The following MACF1 variants were observed in gnomAD, a reference collection of about 807,000 sequenced individuals.
MACF1 encodes microtubule-actin cross-linking factor 1.
Under a neutral mutation model 854.8 loss-of-function variants are expected in MACF1, and 193 were observed. That is an observed-to-expected ratio of 0.23 (90% CI 0.20 to 0.25). The LOEUF (loss-of-function observed/expected upper bound fraction) is 0.25. Among genes scored for constraint, MACF1 ranks in the 10% least tolerant of loss-of-function variants. The pLI, the probability that MACF1 is intolerant of heterozygous loss-of-function variation, is 1.00. For synonymous variants in MACF1, 3,185 were observed against 3,226.7 expected, an observed-to-expected ratio of 0.99 and a Z score of 0.44; for missense variants, 7,722 against 8,929.1, an observed-to-expected ratio of 0.86 and a Z score of 5.45.
chr1:39,130,247 A>G (rs1424031852), intron 2 of MACF1, among the ~76,000 whole-genome samples: 4 of 152,222 alleles, frequency 2.6e-5, no homozygotes, highest in Admixed American at 6.5e-5. Context: ...ACACCCTAAT[A>G]TATTTCTAAT....
intron 2 of MACF1, among the ~76,000 whole-genome samples, chr1:39,088,214 C>T (rs533711757): frequency 7.9e-5 from 12 of 152,186 alleles, no homozygotes; most frequent in Admixed American, 4.6e-4. Flanking sequence ...CCTCGTGATC[C>T]GCCCGCCTCA....
intron 18 of MACF1, among the ~76,000 whole-genome samples, 181 bp downstream of exon 18, chr1:39,293,800 A>G (rs1257263577): frequency 6.6e-6 from 1 of 152,046 alleles, no homozygotes; most frequent in Non-Finnish European, 1.5e-5. Context: ...GTAGAACCCT[A>G]GAGTTAATTT....
chr1:39,194,052 C>T (rs541338463), intron 2 of MACF1, among the ~76,000 whole-genome samples: 2 of 152,000 alleles, frequency 1.3e-5, no homozygotes, highest in East Asian at 1.9e-4. Context: ...AGGCTGGTCT[C>T]GAACTCCTGA....
chr1:39,220,597 G>A (rs928080269), intron 1 of MACF1, among the ~76,000 whole-genome samples: 2 of 146,570 alleles, frequency 1.4e-5, no homozygotes, highest in African/African-American at 5.1e-5. Flanking sequence ...ATTCTCCTGC[G>A]TCAGCCTCCC....
chr1:39,483,086 CAAAAAAAAAAAAAA>C (rs1198703166), intron 99 of MACF1, among the ~76,000 whole-genome samples: 1 of 22,770 alleles, frequency 4.4e-5, no homozygotes, highest in African/African-American at 1.4e-4. Context: ...GACTCTGTCT[CAAAAAAAAAAAAAA>C]AAAAAAAAAA....
Position 39,331,369 on chromosome 1 carries a change from CTT to C in MACF1, c.4783_4784del (p.Leu1595GlyfsTer10). The stretch of plus-strand genomic sequence containing the variant: ...GCCCCTGAGACGGGTGAAAACCTCT[CTT>C]TGGAGGAGGGCATAGCCAGAAACCT... On this transcript the variant is annotated frameshift_variant, in exon 37 of 101. Coordinates refer to ENST00000564288, the MANE Select transcript of MACF1 (RefSeq NM_001394062.1). LOFTEE classifies it high-confidence loss of function. 1.2e-6 allele frequency: 2 copies of C among 1,613,814 alleles called. No homozygotes were observed. Among genetic ancestry groups the C allele is most frequent in the Non-Finnish European group, 1.7e-6 (2 of 1,179,992 alleles).
chr1:39,164,115 A>G (rs1439439054), intron 2 of MACF1, among the ~76,000 whole-genome samples: 1 of 152,152 alleles, frequency 6.6e-6, no homozygotes, highest in Non-Finnish European at 1.5e-5. Flanking sequence ...CATCAAATGG[A>G]AGGTTCATTT....
intron 58 of MACF1, among the ~76,000 whole-genome samples, chr1:39,418,366 TGA>T (rs1643407214): frequency 6.6e-6 from 1 of 152,122 alleles, no homozygotes; most frequent in South Asian, 2.1e-4. Context: ...AGAGACAAAT[TGA>T]GAGTCATAAG....
At chr1:39,357,921 G>C (rs140351948) in intron 45 of MACF1, 28 bp downstream of exon 45, 1 of 1,578,866 alleles carries the variant, frequency 6.3e-7, no homozygotes, top group East Asian at 2.2e-5. Flanking sequence ...GGCATCCTTG[G>C]TGAAACAATC....
Position 39,367,776 on chromosome 1 carries a change from A to G in MACF1, c.12772-372A>G, listed in dbSNP as rs1297289594. Among the ~76,000 whole-genome samples the G allele has an allele frequency of 2.6e-5, 4 of 152,196 alleles. No homozygotes were observed. In the East Asian group the frequency reaches 7.7e-4, roughly 29 times the overall value. ...CTCCAGTGGATTGAAGTTGTCCTAC[A>G]TATTTATCAGATTTTTTAATTGGGC... On this transcript the variant is annotated intron_variant, in intron 49 of 100. Coordinates refer to ENST00000564288, the MANE Select transcript of MACF1 (RefSeq NM_001394062.1).
intron 58 of MACF1, among the ~76,000 whole-genome samples, chr1:39,408,192 C>T (rs1202546473): frequency 6.6e-6 from 1 of 152,140 alleles, no homozygotes; most frequent in African/African-American, 2.4e-5. Flanking sequence ...ATCCCCACCT[C>T]CCCCAACACC....
intron 58 of MACF1, chr1:39,413,093 AG>A: frequency 6.2e-7 from 1 of 1,605,234 alleles, no homozygotes; most frequent in Non-Finnish European, 8.5e-7. Flanking sequence ...ATCACACAGG[AG>A]GGTATGTCAG....
At chr1:39,367,288 C>G (rs1373860738) in intron 49 of MACF1, among the ~76,000 whole-genome samples, 1 of 151,880 alleles carries the variant, frequency 6.6e-6, no homozygotes, top group African/African-American at 2.4e-5. Flanking sequence ...ACAGTTTTAT[C>G]TCTTCTTTTC....
At chr1:39,458,711 G>T in intron 90 of MACF1, 1 of 590,776 alleles carries the variant, frequency 1.7e-6, no homozygotes. Context: ...AGGTGGTTAA[G>T]CTTATTTTTT....
chr1:39,219,859 T>C (rs1571188411), intron 1 of MACF1, among the ~76,000 whole-genome samples: 1 of 152,174 alleles, frequency 6.6e-6, no homozygotes, highest in African/African-American at 2.4e-5. Context: ...CAAGCAGTTT[T>C]CCTGCCTCAG....
chr1:39,125,879 G>C (rs1642847074), intron 2 of MACF1, among the ~76,000 whole-genome samples: 1 of 152,154 alleles, frequency 6.6e-6, no homozygotes, highest in South Asian at 2.1e-4. Context: ...TGTAATCCCA[G>C]CTACTTGGAA....
chr1:39,412,883 C>G, intron 58 of MACF1: 2 of 1,610,308 alleles, frequency 1.2e-6, no homozygotes, highest in Admixed American at 1.7e-5. Context: ...GCTGTAGTTG[C>G]TGCTTTAGTG....
Position 39,301,981 on chromosome 1 carries a change from C to CTATTTATT in MACF1, c.2635-923_2635-916dup, listed in dbSNP as rs139531559. On this transcript the variant is annotated intron_variant, in intron 22 of 100. Transcript: ENST00000564288. ...TATGCTTGTCTGCTTACCACTGTAC[C>CTATTTATT]TATTTATTTATTTATTTATTTATTT... Among the ~76,000 whole-genome samples the CTATTTATT allele has an allele frequency of 7.4e-3, 1,119 of 150,996 alleles. 8 individuals carry two copies. Among genetic ancestry groups the CTATTTATT allele is most frequent in the Middle Eastern group, 0.02 (6 of 294 alleles).
chr1:39,316,534 G>A lies in MACF1; in HGVS notation c.3588+5G>A. Reference sequence around the variant, plus strand: ...GCCCATTGGTCGACATTACGGGTGAGTTGCTCTGAGTTTCTTAGGAGGTTG... The same window carrying A: ...GCCCATTGGTCGACATTACGGGTGAATTGCTCTGAGTTTCTTAGGAGGTTG... On this transcript the variant is annotated splice_donor_5th_base_variant and intron_variant, in intron 28 of 100. Transcript: ENST00000564288. The A allele has an allele frequency of 6.2e-7, 1 of 1,609,490 alleles. No homozygotes were observed. The highest frequency in any genetic ancestry group is 8.5e-7 in the Non-Finnish European group (1 of 1,177,400).
Sources: allele counts gnomAD v4.1 joint callset (sites outside exome capture counted in the v4.1 genomes callset), GRCh38; gene constraint gnomAD v4.1.1; transcripts MANE v1.5; gene names NCBI Gene and HGNC (gene_info 2026-07-23, HGNC 2026-07-21).